The following STX8 variants were observed in gnomAD, a reference collection of about 807,000 sequenced individuals.
The protein encoded by STX8 is syntaxin-8.
Under a neutral mutation model 37.5 loss-of-function variants are expected in STX8, and 23 were observed. The ratio of observed to expected loss-of-function variants is 0.61; its 90% confidence interval spans 0.44 to 0.87. The LOEUF is 0.87. STX8 is among the 40% of genes least tolerant of loss of function. The pLI, the probability that STX8 is intolerant of heterozygous loss-of-function variation, is 0.00. For missense variants in STX8, 313 were observed against 284.7 expected (o/e 1.10, Z -0.71); for synonymous variants, 115 against 99.1 (o/e 1.16, Z -0.95).
At chr17:9,408,605 C>T (rs1238451058) in intron 6 of STX8, among the ~76,000 whole-genome samples, 1 of 152,160 alleles carries the variant, frequency 6.6e-6, no homozygotes, top group African/African-American at 2.4e-5. Context: ...ATAAAAACCA[C>T]AAAGCCATGC....
intron 4 of STX8, among the ~76,000 whole-genome samples, chr17:9,540,215 C>T (rs938925487): frequency 6.6e-6 from 1 of 152,222 alleles, no homozygotes; most frequent in East Asian, 1.9e-4. Flanking sequence ...CTCCTCCATA[C>T]ACTTCTTGCT....
chr17:9,308,769 C>A (rs558566376), intron 7 of STX8, among the ~76,000 whole-genome samples: 179 of 150,936 alleles, frequency 1.2e-3, no homozygotes, highest in African/African-American at 3.9e-3. Context: ...TATGGCCTGC[C>A]TTGGGCAGAA....
At chr17:9,430,539 A>G (rs570652943) in intron 6 of STX8, among the ~76,000 whole-genome samples, 51 of 152,066 alleles carry the variant, frequency 3.4e-4, no homozygotes, top group African/African-American at 1.2e-3. Context: ...GTAATCGCAT[A>G]TATCAAAACT....
At chr17:9,496,290 G>A (rs1431648215) in intron 5 of STX8, among the ~76,000 whole-genome samples, 1 of 152,072 alleles carries the variant, frequency 6.6e-6, no homozygotes, top group Non-Finnish European at 1.5e-5. Context: ...TGGCCAGGCT[G>A]GTCTCGAACT....
At chr17:9,313,302 T>C (rs745542530) in intron 7 of STX8, among the ~76,000 whole-genome samples, 4 of 152,298 alleles carry the variant, frequency 2.6e-5, no homozygotes, top group South Asian at 4.2e-4. Flanking sequence ...GGGGTTTTCG[T>C]TGAAGATGTC....
rs1259762462 is a variant in STX8, at chr17:9,304,531, AAAAAAG to A, written c.644-53892_644-53887del. 6.1e-5 allele frequency among the ~76,000 whole-genome samples: 9 copies of A among 147,424 alleles called. No homozygotes were observed. The East Asian group carries it at 9.7e-4, about 16-fold the overall frequency. On this transcript the variant is annotated intron_variant, in intron 7 of 7. Transcript: ENST00000306357. ...TCAAAAAAAAAAAAAAAAAAAAAAG[AAAAAAG>A]AAAGAAAAAAGAAAACGAAAAATAC...
At chr17:9,481,829 A>T (rs1906360650) in intron 6 of STX8, among the ~76,000 whole-genome samples, 1 of 152,126 alleles carries the variant, frequency 6.6e-6, no homozygotes, top group Admixed American at 6.5e-5. Context: ...TGAACTGTGC[A>T]TGCGAGGGAT....
intron 6 of STX8, among the ~76,000 whole-genome samples, chr17:9,455,394 G>T (rs1905159757): frequency 6.6e-6 from 1 of 151,870 alleles, no homozygotes; most frequent in African/African-American, 2.4e-5. Flanking sequence ...CAGCTACTCG[G>T]GACACTGAGG....
chr17:9,478,099 C>CT (rs1269119000), intron 6 of STX8, among the ~76,000 whole-genome samples: 3 of 152,164 alleles, frequency 2.0e-5, no homozygotes, highest in Non-Finnish European at 4.4e-5. Flanking sequence ...GGAGAACTCC[C>CT]TTTGTTGCTT....
At chr17:9,420,193 A>C (rs911132162) in intron 6 of STX8, among the ~76,000 whole-genome samples, 2 of 152,212 alleles carry the variant, frequency 1.3e-5, no homozygotes, top group African/African-American at 4.8e-5. Context: ...ATATTCGTTG[A>C]CTGAAGGAGT....
intron 6 of STX8, among the ~76,000 whole-genome samples, chr17:9,410,554 A>C (rs1003598943): frequency 6.6e-6 from 1 of 152,234 alleles, no homozygotes; most frequent in Non-Finnish European, 1.5e-5. Context: ...CAGAGAAGCC[A>C]TCTGAAAAGC....
At chr17:9,307,874 C>A (rs1297817923) in intron 7 of STX8, among the ~76,000 whole-genome samples, 1 of 152,058 alleles carries the variant, frequency 6.6e-6, no homozygotes, top group Non-Finnish European at 1.5e-5. Flanking sequence ...TCTTCTCCCC[C>A]AAAAGCAAGC....
chr17:9,301,084 G>A (rs539590507), intron 7 of STX8, among the ~76,000 whole-genome samples: 4 of 151,884 alleles, frequency 2.6e-5, no homozygotes, highest in South Asian at 2.1e-4. Context: ...CACCCGCCTC[G>A]GCCTCCCAAA....
chr17:9,286,630 G>A (rs1243698485), intron 7 of STX8, among the ~76,000 whole-genome samples: 1 of 150,370 alleles, frequency 6.7e-6, no homozygotes, highest in Non-Finnish European at 1.5e-5. Flanking sequence ...AGCAGCTGCA[G>A]AGGCTGAGTC....
chr17:9,398,477 G>A (rs764708106), intron 6 of STX8, among the ~76,000 whole-genome samples: 1 of 152,158 alleles, frequency 6.6e-6, no homozygotes, highest in Non-Finnish European at 1.5e-5. Flanking sequence ...GGAAACTAAG[G>A]AGATGGAGCA....
intron 6 of STX8, among the ~76,000 whole-genome samples, chr17:9,476,339 G>T (rs1462326427): frequency 6.6e-6 from 1 of 152,234 alleles, no homozygotes; most frequent in Admixed American, 6.5e-5. Flanking sequence ...TGTAAAGGTT[G>T]CCATAACAAA....
intron 4 of STX8, among the ~76,000 whole-genome samples, chr17:9,521,594 T>A (rs918618137): frequency 1.3e-5 from 2 of 152,176 alleles, no homozygotes; most frequent in African/African-American, 4.8e-5. Context: ...CACCCTTCCA[T>A]CCATCCATCC....
At chr17:9,444,636 C>G (rs1052747703) in intron 6 of STX8, among the ~76,000 whole-genome samples, 1 of 152,182 alleles carries the variant, frequency 6.6e-6, no homozygotes, top group African/African-American at 2.4e-5. Context: ...ATGGTGCATC[C>G]ATGAGCACAT....
At chr17:9,557,601 A>T in intron 2 of STX8, 73 bp from the exon 3 acceptor site, 4 of 1,317,492 alleles carry the variant, frequency 3.0e-6, no homozygotes, top group Non-Finnish European at 4.4e-6. Flanking sequence ...TCACGTAAAC[A>T]CTACTTCACG....
Sources: allele counts gnomAD v4.1 joint callset (sites outside exome capture counted in the v4.1 genomes callset), GRCh38; gene constraint gnomAD v4.1.1; transcripts MANE v1.5; gene names NCBI Gene and HGNC (gene_info 2026-07-23, HGNC 2026-07-21).